The following UGT1A10 variants were observed in gnomAD, a reference collection of about 807,000 sequenced individuals.
The protein encoded by UGT1A10 is UDP glucuronosyltransferase family 1 member A10, also known as UDP-glucuronosyltransferase 1A10.
UGT1A10 carries 49 observed loss-of-function variants against 45.8 expected under a neutral mutation model. The observed-to-expected ratio is 1.07, with a 90% CI of 0.85 to 1.36. UGT1A10 has a LOEUF of 1.36. Ranked by LOEUF, UGT1A10 falls within the 40% of genes most tolerant of loss-of-function variation. The pLI is 0.00. For missense variants in UGT1A10, 745 were observed against 668.6 expected (o/e 1.11, Z -1.26); for synonymous variants, 284 against 249.7 (o/e 1.14, Z -1.29).
chr2:233,726,690 G>A (rs766630788), intron 1 of UGT1A10, among the ~76,000 whole-genome samples: 3 of 152,094 alleles, frequency 2.0e-5, no homozygotes, highest in Admixed American at 6.5e-5. Context: ...CACCTGTAAC[G>A]GAACATATTC....
chr2:233,755,611 T>C (rs1176906643), intron 1 of UGT1A10: 1 of 158,924 alleles, frequency 6.3e-6, no homozygotes, highest in African/African-American at 2.4e-5. Flanking sequence ...AGAACTGTTT[T>C]TCTTAAAGTA....
At chr2:233,646,231 C>A (rs1400149021) in intron 1 of UGT1A10, among the ~76,000 whole-genome samples, 8 of 152,170 alleles carry the variant, frequency 5.3e-5, no homozygotes, top group African/African-American at 1.9e-4. Flanking sequence ...GGGCCCTGGG[C>A]CTGTCACACA....
At chr2:233,648,916 T>A in intron 1 of UGT1A10, 1 of 1,359,568 alleles carries the variant, frequency 7.4e-7, no homozygotes, top group Non-Finnish European at 1.0e-6. Flanking sequence ...CAGCCACACA[T>A]CAATTTGGTT....
At chr2:233,729,344 A>G in intron 1 of UGT1A10, 1 of 1,614,144 alleles carries the variant, frequency 6.2e-7, no homozygotes, top group Non-Finnish European at 8.5e-7. Flanking sequence ...AAAGAAGAGA[A>G]CTTTTTCACC....
chr2:233,724,200 G>A (rs1277463705), intron 1 of UGT1A10, among the ~76,000 whole-genome samples: 6 of 126,908 alleles, frequency 4.7e-5, no homozygotes, highest in Admixed American at 1.5e-4. Context: ...GTGGCTGGCC[G>A]GGCTGAGGGG....
At chr2:233,717,531 G>A (rs948742464) in intron 1 of UGT1A10, among the ~76,000 whole-genome samples, 1 of 152,242 alleles carries the variant, frequency 6.6e-6, no homozygotes, top group Non-Finnish European at 1.5e-5. Context: ...CTCCATAAGG[G>A]AAGCCTCAGC....
At chr2:233,716,356 C>G (rs1029133275) in intron 1 of UGT1A10, among the ~76,000 whole-genome samples, 1 of 152,180 alleles carries the variant, frequency 6.6e-6, no homozygotes, top group Admixed American at 6.5e-5. Flanking sequence ...AATGTAGATA[C>G]TTTGTGGGGC....
intron 1 of UGT1A10, among the ~76,000 whole-genome samples, chr2:233,715,584 C>T (rs562671697): frequency 6.6e-6 from 1 of 151,992 alleles, no homozygotes; most frequent in Admixed American, 6.6e-5. Context: ...GCAGCCTGGG[C>T]AACATGCTGA....
At position 233,760,497 on chromosome 2, in the gene UGT1A10, C is replaced by G. The variant is rs1553620689; in HGVS notation, c.856-6537C>G. ...CTGACGCCTCGTTGTACATCAGAGACGGAGCATTTTACACCTTGAAGACGT... is the reference window on the plus strand; with the variant it reads ...CTGACGCCTCGTTGTACATCAGAGAGGGAGCATTTTACACCTTGAAGACGT... On this transcript the variant is annotated intron_variant, in intron 1 of 4. Transcript: ENST00000344644. 1.2e-6 allele frequency: 2 copies of G among 1,614,200 alleles called. No individual in the cohort carries two copies. The highest frequency in any genetic ancestry group is 2.7e-5 in the African/African-American group (2 of 75,048).
At chr2:233,764,507 T>C (rs1318099994) in intron 1 of UGT1A10, among the ~76,000 whole-genome samples, 1 of 152,320 alleles carries the variant, frequency 6.6e-6, no homozygotes, top group Non-Finnish European at 1.5e-5. Flanking sequence ...GGGTTCAATT[T>C]TGTGTGAATC....
chr2:233,706,144 G>C (rs2075891218), intron 1 of UGT1A10, among the ~76,000 whole-genome samples: 1 of 152,146 alleles, frequency 6.6e-6, no homozygotes, highest in African/African-American at 2.4e-5. Flanking sequence ...ATTAAACAAA[G>C]CATGAGAACC....
chr2:233,731,938 C>T (rs1286643444), intron 1 of UGT1A10, among the ~76,000 whole-genome samples: 1 of 152,210 alleles, frequency 6.6e-6, no homozygotes, highest in African/African-American at 2.4e-5. Flanking sequence ...ACATCCTCTC[C>T]AACATCTGTT....
intron 1 of UGT1A10, among the ~76,000 whole-genome samples, chr2:233,659,263 G>A (rs890335912): frequency 3.3e-5 from 5 of 152,038 alleles, no homozygotes; most frequent in South Asian, 4.1e-4. Context: ...TACCAACCTC[G>A]CAGGTAGTCT....
chr2:233,746,906 T>C (rs1380473357), intron 1 of UGT1A10, among the ~76,000 whole-genome samples: 1 of 151,690 alleles, frequency 6.6e-6, no homozygotes, highest in Admixed American at 6.5e-5. Context: ...TGACATGAAA[T>C]GGGTTTCCAC....
chr2:233,684,715 A>G (rs2074695143), intron 1 of UGT1A10, among the ~76,000 whole-genome samples: 1 of 151,992 alleles, frequency 6.6e-6, no homozygotes, highest in East Asian at 1.9e-4. Flanking sequence ...ATTAATGTAT[A>G]TATTTATAAA....
At chr2:233,705,148 AAGAG>A (rs939982250) in intron 1 of UGT1A10, among the ~76,000 whole-genome samples, 12 of 150,988 alleles carry the variant, frequency 7.9e-5, no homozygotes, top group Non-Finnish European at 1.5e-4. Context: ...AAAAAAAAAA[AAGAG>A]AGAGAGAGAG....
At chr2:233,720,465 GATGA>G (rs2076862299) in intron 1 of UGT1A10, among the ~76,000 whole-genome samples, 1 of 152,108 alleles carries the variant, frequency 6.6e-6, no homozygotes, top group Non-Finnish European at 1.5e-5. Flanking sequence ...TGGGACCAGT[GATGA>G]ATGGACATGT....
At chr2:233,673,162 A>T (rs924288300) in intron 1 of UGT1A10, among the ~76,000 whole-genome samples, 8 of 152,208 alleles carry the variant, frequency 5.3e-5, no homozygotes, top group African/African-American at 1.9e-4. Context: ...TTAAAAAAGT[A>T]CTTTAGGTAT....
chr2:233,703,067 G>C (rs28899181), intron 1 of UGT1A10, among the ~76,000 whole-genome samples: 84 of 152,340 alleles, frequency 5.5e-4, no homozygotes, highest in African/African-American at 1.9e-3. Context: ...TAGTGAAGCT[G>C]TCTGGGCCTA....
Sources: allele counts gnomAD v4.1 joint callset (sites outside exome capture counted in the v4.1 genomes callset), GRCh38; gene constraint gnomAD v4.1.1; transcripts MANE v1.5; gene names NCBI Gene and HGNC (gene_info 2026-07-23, HGNC 2026-07-21).